The following ERICH6B variants were observed in gnomAD, a reference collection of about 807,000 sequenced individuals.
ERICH6B encodes glutamate rich 6B.
ERICH6B carries 69 observed loss-of-function variants against 80.0 expected under a neutral mutation model. That is an observed-to-expected ratio of 0.86 (90% confidence interval 0.71 to 1.05). The LOEUF is 1.05. Among genes scored for constraint, ERICH6B ranks in the 50% least tolerant of loss-of-function variants. The probability of loss-of-function intolerance (pLI) is 0.00; values close to 1 mark genes in which losing one functional copy is unlikely to be tolerated. For missense variants in ERICH6B, 754 were observed against 796.1 expected, an observed-to-expected ratio of 0.95 and a Z score of 0.64; for synonymous variants, 283 against 291.9, an observed-to-expected ratio of 0.97 and a Z score of 0.31.
intron 13 of ERICH6B, among the ~76,000 whole-genome samples, chr13:45,545,593 T>C (rs1873961386): frequency 6.6e-6 from 1 of 152,238 alleles, no homozygotes; most frequent in Non-Finnish European, 1.5e-5. Flanking sequence ...TTTTTTGTTT[T>C]TGTTTTTGTT....
rs1370430512 is a variant in ERICH6B at position 45,577,883 on chromosome 13, G to A, written c.961+2050C>T. The stretch of plus-strand genomic sequence containing the variant: ...GCTCGGATTATAGGCATGAGCCACT[G>A]CACCCAGCCTCTTAACATTTTTCTT... On this transcript the variant is annotated intron_variant, in intron 7 of 14. Transcript: ENST00000298738. Among the ~76,000 whole-genome samples, 6 of 152,210 alleles carry A rather than the reference G, an allele frequency of 3.9e-5. 1 individual carries two copies. The highest frequency in any genetic ancestry group is 2.0e-4 in the Admixed American group (3 of 15,286).
Position 45,608,267 on chromosome 13 carries a change from A to C in ERICH6B, c.-110-652T>G, listed in dbSNP as rs533980262. ...AAAATGCAGGGGAACACTCGGCCTCAGCCTCTGTTTGCTTGATGGCAGCAC... is the reference window on the plus strand; with the variant it reads ...AAAATGCAGGGGAACACTCGGCCTCCGCCTCTGTTTGCTTGATGGCAGCAC... On this transcript the variant is annotated intron_variant, in intron 1 of 14. Transcript: ENST00000298738. Among the ~76,000 whole-genome samples the C allele has an allele frequency of 1.1e-4, 16 of 152,320 alleles. No individual in the cohort carries two copies. In the South Asian group the frequency reaches 2.1e-3, roughly 20 times the overall value.
At chr13:45,611,644 G>A (rs1233052639) in intron 1 of ERICH6B, among the ~76,000 whole-genome samples, 1 of 152,226 alleles carries the variant, frequency 6.6e-6, no homozygotes, top group African/African-American at 2.4e-5. Flanking sequence ...CCAGGGGTTA[G>A]GAATCAGCTT....
At chr13:45,609,257 C>A (rs931334695) in intron 1 of ERICH6B, among the ~76,000 whole-genome samples, 2 of 152,242 alleles carry the variant, frequency 1.3e-5, no homozygotes, top group Non-Finnish European at 2.9e-5. Context: ...CCCACATCCT[C>A]TCCTGCCCTT....
chr13:45,606,547 ATTTT>A (rs71074722), intron 2 of ERICH6B, among the ~76,000 whole-genome samples: 178 of 16,222 alleles, frequency 0.011, no homozygotes, highest in South Asian at 0.027. Flanking sequence ...ATATATATAT[ATTTT>A]TTTTTTTTTT....
chr13:45,587,326 G>A (rs1270854330), intron 4 of ERICH6B, 94 bp from the exon 5 acceptor site: 1 of 1,106,472 alleles, frequency 9.0e-7, no homozygotes, highest in Admixed American at 2.4e-5. Context: ...GGGTGCTCTT[G>A]ATGTCCAGAC....
Position 45,611,555 on chromosome 13 carries a change from G to A in ERICH6B, c.-110-3940C>T, listed in dbSNP as rs145467176. 3.2e-3 allele frequency among the ~76,000 whole-genome samples: 487 copies of A among 152,272 alleles called. 5 individuals are homozygous for A. Among genetic ancestry groups the A allele is most frequent in the African/African-American group, 0.011 (449 of 41,558 alleles). On this transcript the variant is annotated intron_variant, in intron 1 of 14. Transcript: ENST00000298738. ...TAGAAAAGACAGTTTCCTCAGTCAG[G>A]AATTGCATCTAGAGCTTTCACTACC...
In ERICH6B at chr13:45,558,142, C is replaced by A. The variant is rs1241059866; in HGVS notation, c.1407+3227G>T. 2.0e-5 allele frequency among the ~76,000 whole-genome samples: 3 copies of A among 152,172 alleles called. No individual in the cohort carries two copies. In the East Asian group the frequency reaches 5.8e-4, roughly 29 times the overall value. ...GTTTTGTGGTTTTCCTTGTAGAGAT[C>A]TTTTACCTCCTTGGTCAGATATATT... On this transcript the variant is annotated intron_variant, in intron 11 of 14. Coordinates refer to ENST00000298738, the MANE Select transcript of ERICH6B (RefSeq NM_182542.3).
Position 45,568,583 on chromosome 13 carries a change from CA to C in ERICH6B, c.1051-133del, listed in dbSNP as rs554125166. 3.3e-4 allele frequency: 286 copies of C among 872,540 alleles called. 1 individual carries two copies. The African/African-American group carries it at 4.2e-3, about 13-fold the overall frequency. 54.0% of individuals were successfully genotyped at this position (872,540 alleles called of 1,614,324 possible). ...ATTCTAAAAATACAAAAATGGGAAC[CA>C]GGGGCAGGGGGAGGGAGAGCAACAG... On this transcript the variant is annotated intron_variant, in intron 8 of 14. Coordinates refer to ENST00000298738, the MANE Select transcript of ERICH6B (RefSeq NM_182542.3).
At chr13:45,573,570 A>G (rs1412207883) in intron 8 of ERICH6B, among the ~76,000 whole-genome samples, 1 of 152,214 alleles carries the variant, frequency 6.6e-6, no homozygotes, top group African/African-American at 2.4e-5. Flanking sequence ...AAAGAAATTA[A>G]AAACAAGTCT....
intron 13 of ERICH6B, among the ~76,000 whole-genome samples, chr13:45,545,265 C>T (rs1427256403): frequency 6.6e-6 from 1 of 152,188 alleles, no homozygotes; most frequent in Non-Finnish European, 1.5e-5. Flanking sequence ...TGCCCTCTGC[C>T]TGCAAAGTTC....
chr13:45,565,736 C>G (rs1427896680), intron 9 of ERICH6B, among the ~76,000 whole-genome samples: 2 of 152,236 alleles, frequency 1.3e-5, no homozygotes, highest in Admixed American at 6.5e-5. Flanking sequence ...TCCACTAAAT[C>G]TCTTTCTTTT....
intron 7 of ERICH6B, among the ~76,000 whole-genome samples, chr13:45,577,528 G>A (rs8000621): frequency 0.077 from 11,624 of 151,668 alleles, 677 homozygotes; most frequent in African/African-American, 0.16. Flanking sequence ...GTGATCTGCC[G>A]GCCTCAGCCT....
intron 6 of ERICH6B, 137 bp from the exon 7 acceptor site, chr13:45,580,111 G>A (rs1875594312): frequency 1.4e-6 from 1 of 710,664 alleles, no homozygotes; most frequent in Non-Finnish European, 2.3e-6. Context: ...CCTGTGTTTT[G>A]GGATAAAAGC....
chr13:45,563,684 AG>A (rs1874791814), intron 10 of ERICH6B, 42 bp downstream of exon 10: 1 of 1,508,504 alleles, frequency 6.6e-7, no homozygotes, highest in African/African-American at 1.4e-5. Context: ...GGATGCAGAC[AG>A]GAGAGCCAGC....
chr13:45,578,944 G>A (rs766876636), intron 7 of ERICH6B, among the ~76,000 whole-genome samples: 25 of 152,332 alleles, frequency 1.6e-4, no homozygotes, highest in Non-Finnish European at 2.6e-4. Flanking sequence ...CAGCTACTTA[G>A]GAGGCTGAGG....
At chr13:45,561,215 C>T (rs1471317760) in intron 11 of ERICH6B, among the ~76,000 whole-genome samples, 154 bp downstream of exon 11, 1 of 152,216 alleles carries the variant, frequency 6.6e-6, no homozygotes, top group African/African-American at 2.4e-5. Flanking sequence ...GCCAGCAACC[C>T]ACACACTCAG....
At chr13:45,548,511 G>A (rs964060542) in intron 13 of ERICH6B, among the ~76,000 whole-genome samples, 1 of 152,158 alleles carries the variant, frequency 6.6e-6, no homozygotes, top group Non-Finnish European at 1.5e-5. Flanking sequence ...TTGCGGGTAG[G>A]GCAGCCCATT....
chr13:45,575,533 G>A (rs528704006), intron 7 of ERICH6B, among the ~76,000 whole-genome samples: 6 of 152,250 alleles, frequency 3.9e-5, no homozygotes, highest in African/African-American at 1.4e-4. Flanking sequence ...ATTTTGTTCC[G>A]AGGGAGACTC....
Sources: gnomAD v4.1 joint callset for allele counts (sites outside exome capture counted in the v4.1 genomes callset) on GRCh38, gnomAD v4.1.1 for gene constraint, MANE v1.5 for transcripts, NCBI Gene and HGNC (gene_info 2026-07-23, HGNC 2026-07-21) for gene names.